HADHA: variants seen among roughly 807,000 people sequenced by gnomAD.
HADHA encodes the protein trifunctional enzyme subunit alpha, mitochondrial.
A neutral mutation model predicts 91.3 loss-of-function variants in HADHA; 59 were observed. That is an observed-to-expected ratio of 0.65 (90% CI 0.52 to 0.80). The LOEUF (loss-of-function observed/expected upper bound fraction) is 0.80. Ranked by LOEUF, HADHA falls within the 30% of genes least tolerant of loss-of-function variation. The pLI is 0.00. For missense variants in HADHA, 800 were observed against 927.6 expected (o/e 0.86, Z 1.79); for synonymous variants, 320 against 338.9 (o/e 0.94, Z 0.61).
At chr2:26,230,144 A>C (rs1489996934) in intron 7 of HADHA, 48 bp downstream of exon 7, 4 of 1,213,816 alleles carry the variant, frequency 3.3e-6, no homozygotes, top group Non-Finnish European at 4.9e-6. Context: ...CTCTTTAAGA[A>C]AATAAGTAAC....
intron 7 of HADHA, among the ~76,000 whole-genome samples, chr2:26,223,442 C>T (rs1308023109): frequency 2.6e-5 from 4 of 152,114 alleles, no homozygotes; most frequent in Non-Finnish European, 5.9e-5. Context: ...GAAGGTCACC[C>T]CACCAGGCAA....
At chr2:26,220,517 T>C (rs1670349783) in intron 7 of HADHA, among the ~76,000 whole-genome samples, 1 of 152,208 alleles carries the variant, frequency 6.6e-6, no homozygotes, top group African/African-American at 2.4e-5. Context: ...CTCTGGACAG[T>C]GCAGAAAACA....
Position 26,209,905 on chromosome 2 carries a change from G to C in HADHA, c.976-16C>G. 4 of 1,290,870 alleles carry C rather than the reference G, an allele frequency of 3.1e-6. 1 individual carries two copies. Among genetic ancestry groups the C allele is most frequent in the Non-Finnish European group, 2.3e-6 (2 of 884,720 alleles). The allele number at this position is 1,290,870 out of a possible 1,614,324, so 80.0% of individuals were successfully genotyped here. ...CTCCAAATTTCTGAAAAGTAAAGGG[G>C]AATGAGAAAAGGTAGAACTTCACAG... On this transcript the variant is annotated splice_polypyrimidine_tract_variant and intron_variant, in intron 10 of 19. Coordinates refer to ENST00000380649, the MANE Select transcript of HADHA (RefSeq NM_000182.5).
chr2:26,233,114 T>C (rs1245114758), intron 5 of HADHA, among the ~76,000 whole-genome samples: 1 of 152,138 alleles, frequency 6.6e-6, no homozygotes, highest in Non-Finnish European at 1.5e-5. Flanking sequence ...AATGCCACTG[T>C]TGATATGACA....
At chr2:26,195,367 T>G in intron 14 of HADHA, 135 bp from the exon 15 acceptor site, 1 of 814,864 alleles carries the variant, frequency 1.2e-6, no homozygotes. Flanking sequence ...AGCTGAGTGG[T>G]TTGGTTCCAT....
At chr2:26,198,318 TC>T (rs1429284374) in intron 13 of HADHA, among the ~76,000 whole-genome samples, 1 of 151,982 alleles carries the variant, frequency 6.6e-6, no homozygotes, top group Non-Finnish European at 1.5e-5. Context: ...TGGAGAATAG[TC>T]TCTAATGCAG....
intron 15 of HADHA, 130 bp from the exon 16 acceptor site, chr2:26,194,768 A>T (rs1669615877): frequency 2.7e-6 from 2 of 740,520 alleles, no homozygotes; most frequent in Non-Finnish European, 4.9e-6. Flanking sequence ...TTAAAATCTC[A>T]ATCAGAATCC....
Position 26,236,412 on chromosome 2 carries a change from G to A in HADHA, c.314+443C>T, listed in dbSNP as rs1394760284. 3.9e-5 allele frequency among the ~76,000 whole-genome samples: 5 copies of A among 129,678 alleles called. No homozygotes were observed. In the Admixed American group the frequency reaches 4.3e-4, roughly 11 times the overall value. The allele number at this position is 129,678 out of a possible 152,430, so 85.1% of individuals were successfully genotyped here. ...TGTGTGTGTGTGTGTGTGTGTGTGTGTGTGTGTGTATATACTTTTTTTTTT... is the reference window on the plus strand; with the variant it reads ...TGTGTGTGTGTGTGTGTGTGTGTGTATGTGTGTGTATATACTTTTTTTTTT... On this transcript the variant is annotated intron_variant, in intron 4 of 19. Coordinates refer to ENST00000380649, the MANE Select transcript of HADHA (RefSeq NM_000182.5).
At chr2:26,234,106 G>A (rs114704381) in intron 5 of HADHA, 111 bp downstream of exon 5, 148 of 1,070,116 alleles carry the variant, frequency 1.4e-4, no homozygotes, top group Non-Finnish European at 1.8e-4. Flanking sequence ...AAAACAAAGC[G>A]GATTCTCCTC....
At position 26,228,230 on chromosome 2, in the gene HADHA, A is replaced by C. The variant is rs530184555; in HGVS notation, c.676+1962T>G. ...ACGGCAACCTCCACCTCCTGGGTTC[A>C]AGTGATTCTCCTACCTTAGCCTCCC... On this transcript the variant is annotated intron_variant, in intron 7 of 19. Coordinates refer to ENST00000380649, the MANE Select transcript of HADHA (RefSeq NM_000182.5). Among the ~76,000 whole-genome samples, 382 of 152,108 alleles carry C rather than the reference A, an allele frequency of 2.5e-3. 1 individual carries two copies. The highest frequency in any genetic ancestry group is 9.0e-3 in the African/African-American group (374 of 41,480).
In HADHA at chr2:26,232,287, C is replaced by A. The variant is rs1175400236; in HGVS notation, c.454-8G>T. On this transcript the variant is annotated splice_polypyrimidine_tract_variant and splice_region_variant and intron_variant, in intron 5 of 19. Coordinates refer to ENST00000380649, the MANE Select transcript of HADHA (RefSeq NM_000182.5). ...TTGGCATGAAATGGCAACCTTTGAA[C>A]AAATGAAAGAAAATTAGAATGTTAG... 1 of 1,588,670 alleles carries A rather than the reference C, an allele frequency of 6.3e-7. No homozygotes were observed. The highest frequency in any genetic ancestry group is 8.6e-7 in the Non-Finnish European group (1 of 1,157,072).
chr2:26,244,574 C>A lies in HADHA; in HGVS notation c.23G>T (p.Gly8Val). The A allele has an allele frequency of 6.3e-7, 1 of 1,587,434 alleles. No individual in the cohort carries two copies. The highest frequency in any genetic ancestry group is 8.6e-7 in the Non-Finnish European group (1 of 1,166,536). Residue 8 changes from glycine (G) to valine (V), a missense_variant, in exon 1 of 20, where the codon GGC becomes GTC. Coordinates refer to ENST00000380649, the MANE Select transcript of HADHA (RefSeq NM_000182.5). ...GAAGGCAGAAAAGCGGCTGAGGATG[C>A]CAATCGCCCGGCAGGCCACCATCTT... The part of the protein sequence containing the change: MVACRAI[G>V]ILSRFSAFRI...
chr2:26,242,082 T>C (rs1223521372), intron 1 of HADHA, among the ~76,000 whole-genome samples: 1 of 152,176 alleles, frequency 6.6e-6, no homozygotes, highest in Non-Finnish European at 1.5e-5. Context: ...TGGTATTTTT[T>C]GGTAGAGATG....
intron 7 of HADHA, among the ~76,000 whole-genome samples, chr2:26,217,785 T>G (rs936984623): frequency 1.3e-5 from 2 of 152,068 alleles, no homozygotes; most frequent in African/African-American, 4.8e-5. Context: ...TGCATGACTG[T>G]AGTCCCAGCT....
chr2:26,200,831 C>T (rs898812439), intron 13 of HADHA, among the ~76,000 whole-genome samples: 7 of 151,826 alleles, frequency 4.6e-5, no homozygotes, highest in Non-Finnish European at 5.9e-5. Context: ...CTCCCAGGTT[C>T]CAGTGATTCT....
chr2:26,209,862 C>T lies in HADHA; in HGVS notation c.1003G>A (p.Glu335Lys), dbSNP rs769821069. The change falls in exon 11 of 20, where the codon GAA (glutamate) becomes AAA (lysine). Residue 335 changes from glutamate to lysine, a missense_variant. Transcript: ENST00000380649. Reference protein sequence around the residue: ...QKFGELVMTKESKALMGLYHG... With the variant: ...QKFGELVMTKKSKALMGLYHG... ...TAGAGTCCCATCAAGGCCTTTGATT[C>T]TTTGGTCATTACAAGCTCTCCAAAT... The T allele has an allele frequency of 5.1e-5, 81 of 1,600,010 alleles. No individual in the cohort carries two copies. Among genetic ancestry groups the T allele is most frequent in the Non-Finnish European group, 6.7e-5 (78 of 1,167,320 alleles).
intron 18 of HADHA, among the ~76,000 whole-genome samples, chr2:26,192,018 G>C (rs1363674070): frequency 6.6e-6 from 1 of 152,202 alleles, no homozygotes; most frequent in East Asian, 1.9e-4. Flanking sequence ...GCCTTCACCA[G>C]ACGTGGCCTG....
chr2:26,243,194 A>T (rs1019545915), intron 1 of HADHA: 7 of 152,218 alleles, frequency 4.6e-5, no homozygotes, highest in African/African-American at 1.4e-4. Context: ...AGTGACTAGA[A>T]CCACGTGCCC....
intron 4 of HADHA, among the ~76,000 whole-genome samples, chr2:26,236,015 G>A (rs1229181763): frequency 6.6e-6 from 1 of 152,152 alleles, no homozygotes; most frequent in African/African-American, 2.4e-5. Flanking sequence ...CTACGATTGT[G>A]TCCATAAATA....
Sources: allele counts gnomAD v4.1 joint callset (sites outside exome capture counted in the v4.1 genomes callset), GRCh38; gene constraint gnomAD v4.1.1; transcripts MANE v1.5; gene names NCBI Gene and HGNC (gene_info 2026-07-23, HGNC 2026-07-21).